The following TM9SF3 variants were observed in gnomAD, a reference collection of about 807,000 sequenced individuals.
The protein encoded by TM9SF3 is transmembrane 9 superfamily member 3.
In TM9SF3, 14 loss-of-function variants were observed where a neutral mutation model predicts 78.6. The ratio of observed to expected loss-of-function variants is 0.18; its 90% CI spans 0.12 to 0.28. TM9SF3 has a LOEUF of 0.28. Ranked by LOEUF, TM9SF3 falls within the 10% of genes least tolerant of loss-of-function variation. TM9SF3 has a pLI of 1.00. For missense variants in TM9SF3, 496 were observed against 721.9 expected, an observed-to-expected ratio of 0.69 and a Z score of 3.59; for synonymous variants, 231 against 241.7, an observed-to-expected ratio of 0.96 and a Z score of 0.41.
intron 9 of TM9SF3, among the ~76,000 whole-genome samples, chr10:96,539,327 C>T (rs75243760): frequency 0.044 from 4,779 of 108,092 alleles, 216 homozygotes; most frequent in African/African-American, 0.16. Flanking sequence ...CACTGTACTC[C>T]AGCCTGGGCT....
chr10:96,568,064 T>C (rs1848399025), intron 2 of TM9SF3, among the ~76,000 whole-genome samples: 2 of 152,364 alleles, frequency 1.3e-5, no homozygotes, highest in South Asian at 2.1e-4. Context: ...GGAAAATCTA[T>C]TATTATGACA....
At chr10:96,530,642 G>A in intron 10 of TM9SF3, 34 bp from the exon 11 acceptor site, 1 of 1,558,106 alleles carries the variant, frequency 6.4e-7, no homozygotes, top group South Asian at 1.2e-5. Flanking sequence ...TAAACTTCTA[G>A]TATGATTTCC....
At chr10:96,564,287 G>T (rs1589458999) in intron 3 of TM9SF3, among the ~76,000 whole-genome samples, 1 of 152,228 alleles carries the variant, frequency 6.6e-6, no homozygotes, top group East Asian at 1.9e-4. Context: ...AAACAATAGG[G>T]AAGAAACCTG....
chr10:96,530,163 G>A (rs1215651049), intron 11 of TM9SF3, among the ~76,000 whole-genome samples: 6 of 152,064 alleles, frequency 3.9e-5, no homozygotes, highest in Non-Finnish European at 2.9e-5. Flanking sequence ...GGGCCTAGAC[G>A]GACTAGTAGG....
intron 1 of TM9SF3, among the ~76,000 whole-genome samples, chr10:96,582,766 A>T (rs1415235626): frequency 6.6e-6 from 1 of 152,196 alleles, no homozygotes; most frequent in African/African-American, 2.4e-5. Context: ...TTGGACAAAT[A>T]AGCACATAAA....
chr10:96,569,468 T>A (rs538859633), intron 2 of TM9SF3, among the ~76,000 whole-genome samples: 39 of 152,308 alleles, frequency 2.6e-4, no homozygotes, highest in African/African-American at 9.1e-4. Flanking sequence ...AACTGATATA[T>A]TCACAGTTAA....
At chr10:96,548,709 A>C (rs937003254) in intron 7 of TM9SF3, among the ~76,000 whole-genome samples, 1 of 151,348 alleles carries the variant, frequency 6.6e-6, no homozygotes, top group African/African-American at 2.4e-5. Context: ...GAGGCAGGAG[A>C]ACTACTTGAA....
intron 1 of TM9SF3, among the ~76,000 whole-genome samples, chr10:96,584,227 C>A (rs1292323881): frequency 1.3e-5 from 2 of 152,204 alleles, no homozygotes; most frequent in Non-Finnish European, 2.9e-5. Context: ...AACTTCCCCA[C>A]ACCAATGTCT....
Position 96,530,619 on chromosome 10 carries a change from T to C in TM9SF3, c.1326-11A>G. 6.2e-7 allele frequency: 1 copy of C among 1,603,052 alleles called. No individual in the cohort carries two copies. Among genetic ancestry groups the C allele is most frequent in the Non-Finnish European group, 8.5e-7 (1 of 1,174,646 alleles). On this transcript the variant is annotated splice_polypyrimidine_tract_variant and intron_variant, in intron 10 of 14. Coordinates refer to ENST00000371142, the MANE Select transcript of TM9SF3 (RefSeq NM_020123.4). ...GCAGGCTCCATGAACCTGGAAAATATTAAAATTAATAGTAAACTTCTAGTA... is the reference window on the plus strand; with the variant it reads ...GCAGGCTCCATGAACCTGGAAAATACTAAAATTAATAGTAAACTTCTAGTA...
rs188499344 is a variant in TM9SF3, at chr10:96,563,196, C to T, written c.422-1058G>A. ...GCTCAAACAATCCTCCTACCTCAGC[C>T]TCTAGAGTAGTTAGGACTACAGGCA... On this transcript the variant is annotated intron_variant, in intron 3 of 14. Coordinates refer to ENST00000371142, the MANE Select transcript of TM9SF3 (RefSeq NM_020123.4). Among the ~76,000 whole-genome samples, 673 of 152,220 alleles carry T rather than the reference C, an allele frequency of 4.4e-3. 6 individuals are homozygous for T. Among genetic ancestry groups the T allele is most frequent in the Non-Finnish European group, 4.7e-3 (322 of 67,994 alleles).
intron 10 of TM9SF3, 99 bp from the exon 11 acceptor site, chr10:96,530,707 C>T (rs1231057712): frequency 2.7e-6 from 3 of 1,108,860 alleles, no homozygotes; most frequent in Non-Finnish European, 3.8e-6. Context: ...AAAAAATCAT[C>T]TCTAAAGGAT....
intron 9 of TM9SF3, among the ~76,000 whole-genome samples, chr10:96,540,769 C>T (rs1163098809): frequency 1.9e-4 from 10 of 51,328 alleles, no homozygotes; most frequent in African/African-American, 4.1e-4. Flanking sequence ...TATTACCTTT[C>T]TTTTTTTTTT....
chr10:96,543,771 A>T (rs1370012677), intron 9 of TM9SF3: 1 of 167,890 alleles, frequency 6.0e-6, no homozygotes, highest in East Asian at 1.6e-4. Flanking sequence ...TTCTTTCTCT[A>T]AAATATATTC....
In TM9SF3 at chr10:96,530,523, A is replaced by G; in HGVS notation, c.1394+17T>C. The G allele has an allele frequency of 6.3e-7, 1 of 1,596,122 alleles. No homozygotes were observed. The highest frequency in any genetic ancestry group is 1.1e-5 in the South Asian group (1 of 88,738). On this transcript the variant is annotated intron_variant, in intron 11 of 14. Coordinates refer to ENST00000371142, the MANE Select transcript of TM9SF3 (RefSeq NM_020123.4). ...TAATCAAATCCCTCAAAACATAAAT[A>G]CATTATCAAAACTTACATTTCAATA...
rs569225903 is a variant in TM9SF3 at position 96,527,552 on chromosome 10, CA to C, written c.1542-57del. 73 of 1,393,956 alleles carry C rather than the reference CA, an allele frequency of 5.2e-5. No individual in the cohort carries two copies. In the South Asian group the frequency reaches 8.6e-4, roughly 16 times the overall value. 86.3% of individuals were successfully genotyped at this position (1,393,956 alleles called of 1,614,324 possible). On this transcript the variant is annotated intron_variant, in intron 12 of 14. Transcript: ENST00000371142. ...CTCTTTTGAATGAATGGCACTAAAA[CA>C]AAGATTTTAAAGCAAAGAATTTAAT...
chr10:96,559,046 C>T (rs1210606663), intron 5 of TM9SF3, among the ~76,000 whole-genome samples: 3 of 152,222 alleles, frequency 2.0e-5, no homozygotes, highest in South Asian at 4.1e-4. Context: ...AAGTATCTGT[C>T]GGTGGGGGCT....
chr10:96,564,346 CA>C (rs1848345677), intron 3 of TM9SF3, among the ~76,000 whole-genome samples: 1 of 152,190 alleles, frequency 6.6e-6, no homozygotes, highest in Admixed American at 6.5e-5. Flanking sequence ...CCCTGAACTA[CA>C]GGCTCAGAAA....
chr10:96,547,987 C>A lies in TM9SF3; in HGVS notation c.962G>T (p.Arg321Met). The change falls in exon 8 of 15, where the codon AGG (arginine) becomes ATG (methionine). Residue 321 changes from arginine to methionine, a missense_variant and splice_region_variant. Transcript: ENST00000371142. ...TATGGCTGTACTGAGCATTGATCCC[C>A]TCCTAAAAAGGCAAAAAAGAAAAAA... ...VAMIEDLYTE[R>M]GSMLSTAIFV... The A allele has an allele frequency of 6.3e-7, 1 of 1,580,868 alleles. No homozygotes were observed. The highest frequency in any genetic ancestry group is 8.6e-7 in the Non-Finnish European group (1 of 1,168,776).
chr10:96,574,554 C>T (rs1249387541), intron 2 of TM9SF3, among the ~76,000 whole-genome samples: 1 of 152,116 alleles, frequency 6.6e-6, no homozygotes, highest in Non-Finnish European at 1.5e-5. Flanking sequence ...ACCATTTGAC[C>T]CAGCAATCCC....
Sources: allele counts gnomAD v4.1 joint callset (sites outside exome capture counted in the v4.1 genomes callset), GRCh38; gene constraint gnomAD v4.1.1; transcripts MANE v1.5; gene names NCBI Gene and HGNC (gene_info 2026-07-23, HGNC 2026-07-21).